SUPT3H: variants seen among roughly 807,000 people sequenced by gnomAD.
SUPT3H encodes the protein SPT3 homolog, SAGA and STAGA complex component.
In SUPT3H, 44 loss-of-function variants were observed where a neutral mutation model predicts 44.3. The observed-to-expected ratio is 0.99, with a 90% CI of 0.78 to 1.28. The LOEUF (loss-of-function observed/expected upper bound fraction) is 1.28, where lower values mean the gene tolerates loss of function less well. Among genes scored for constraint, SUPT3H ranks in the 50% most tolerant of loss-of-function variants. The probability of loss-of-function intolerance (pLI) is 0.00; values close to 1 mark genes in which losing one functional copy is unlikely to be tolerated. For synonymous variants in SUPT3H, 124 were observed against 125.6 expected, an observed-to-expected ratio of 0.99 and a Z score of 0.09; for missense variants, 380 against 387.1, an observed-to-expected ratio of 0.98 and a Z score of 0.15.
chr6:45,190,740 G>C (rs1335977254), intron 2 of SUPT3H, among the ~76,000 whole-genome samples: 1 of 152,034 alleles, frequency 6.6e-6, no homozygotes, highest in Non-Finnish European at 1.5e-5. Context: ...AAATTCAAAA[G>C]TAAGAAAATA....
At position 45,297,765 on chromosome 6, in the gene SUPT3H, G is replaced by T. The variant is rs188246595; in HGVS notation, c.101+67436C>A. ...TGGTATATAAAATTTTAATACTTTAGGCTCCCTATGCAGCCTATCACCCAG... is the reference window on the plus strand; with the variant it reads ...TGGTATATAAAATTTTAATACTTTATGCTCCCTATGCAGCCTATCACCCAG... On this transcript the variant is annotated intron_variant, in intron 2 of 10. Transcript: ENST00000371459. 2.2e-3 allele frequency among the ~76,000 whole-genome samples: 340 copies of T among 152,112 alleles called. 1 individual carries two copies. Among genetic ancestry groups the T allele is most frequent in the Non-Finnish European group, 2.5e-3 (173 of 67,984 alleles).
At chr6:45,196,428 A>C (rs1328098319) in intron 2 of SUPT3H, among the ~76,000 whole-genome samples, 2 of 152,058 alleles carry the variant, frequency 1.3e-5, no homozygotes, top group Non-Finnish European at 2.9e-5. Context: ...CAGCCCTGCC[A>C]TATTTCTTCA....
intron 3 of SUPT3H, among the ~76,000 whole-genome samples, chr6:45,025,609 C>T (rs1385618810): frequency 3.9e-5 from 6 of 152,142 alleles, no homozygotes; most frequent in African/African-American, 7.2e-5. Context: ...ATTGGCCGGG[C>T]GCGGTGGCTC....
intron 3 of SUPT3H, among the ~76,000 whole-genome samples, chr6:45,029,158 T>C (rs191158995): frequency 5.3e-5 from 8 of 151,868 alleles, no homozygotes; most frequent in African/African-American, 1.7e-4. Flanking sequence ...TAAATGAGTA[T>C]ATAAATTGAT....
At chr6:45,205,992 GAGTTTGAA>G (rs1160380508) in intron 2 of SUPT3H, among the ~76,000 whole-genome samples, 2 of 152,100 alleles carry the variant, frequency 1.3e-5, no homozygotes, top group African/African-American at 4.8e-5. Flanking sequence ...CACAGTGCTG[GAGTTTGAA>G]AATAGGTCAC....
intron 2 of SUPT3H, among the ~76,000 whole-genome samples, chr6:45,241,126 C>A (rs933685156): frequency 2.0e-5 from 3 of 152,078 alleles, no homozygotes; most frequent in Non-Finnish European, 2.9e-5. Flanking sequence ...CCGACTCCTG[C>A]GAGAAGTAGC....
chr6:45,155,981 A>G (rs1807751955), intron 2 of SUPT3H, among the ~76,000 whole-genome samples: 1 of 152,186 alleles, frequency 6.6e-6, no homozygotes. Flanking sequence ...TTCAAGGACA[A>G]TAAAGCCAAA....
At chr6:45,303,095 T>G (rs1424840769) in intron 2 of SUPT3H, among the ~76,000 whole-genome samples, 1 of 152,156 alleles carries the variant, frequency 6.6e-6, no homozygotes, top group Non-Finnish European at 1.5e-5. Flanking sequence ...GATCCTTATC[T>G]CTCACCTTAT....
intron 10 of SUPT3H, among the ~76,000 whole-genome samples, chr6:44,848,365 G>A (rs556751192): frequency 6.6e-6 from 1 of 152,202 alleles, no homozygotes; most frequent in East Asian, 1.9e-4. Context: ...AGAGCCACTT[G>A]GGGAACTTTT....
At chr6:45,074,574 T>C (rs1403414376) in intron 3 of SUPT3H, among the ~76,000 whole-genome samples, 3 of 151,958 alleles carry the variant, frequency 2.0e-5, no homozygotes, top group East Asian at 3.8e-4. Context: ...CAAGGAAAGC[T>C]AGACACAAAA....
chr6:45,311,950 T>C (rs1784023026), intron 2 of SUPT3H, among the ~76,000 whole-genome samples: 1 of 151,944 alleles, frequency 6.6e-6, no homozygotes, highest in South Asian at 2.1e-4. Context: ...ACAAAGAACA[T>C]GATGAATGCA....
intron 2 of SUPT3H, among the ~76,000 whole-genome samples, chr6:45,285,345 C>A (rs2149826148): frequency 6.6e-6 from 1 of 152,230 alleles, no homozygotes; most frequent in East Asian, 1.9e-4. Flanking sequence ...TAGAAAACCC[C>A]ACCGTCTCAG....
intron 2 of SUPT3H, among the ~76,000 whole-genome samples, chr6:45,205,042 G>C (rs1185358412): frequency 6.6e-6 from 1 of 152,022 alleles, no homozygotes; most frequent in Non-Finnish European, 1.5e-5. Flanking sequence ...TTTAACTATA[G>C]AAATAATATC....
intron 2 of SUPT3H, among the ~76,000 whole-genome samples, chr6:45,129,853 G>A (rs1383963290): frequency 6.6e-6 from 1 of 151,968 alleles, no homozygotes; most frequent in Non-Finnish European, 1.5e-5. Context: ...AAAGGATGGA[G>A]AGGAAGACTG....
chr6:44,823,407 T>A (rs1767500119), downstream of SUPT3H, among the ~76,000 whole-genome samples: 1 of 151,806 alleles, frequency 6.6e-6, no homozygotes, highest in African/African-American at 2.4e-5. Context: ...AGAGGCAGAT[T>A]GATTTTGCAT....
intron 6 of SUPT3H, among the ~76,000 whole-genome samples, chr6:44,984,713 T>C (rs1473581581): frequency 6.6e-6 from 1 of 152,156 alleles, no homozygotes; most frequent in Non-Finnish European, 1.5e-5. Context: ...CTCTTTCCTA[T>C]ATGTAACTAA....
chr6:44,897,159 G>T (rs986361013), intron 10 of SUPT3H, among the ~76,000 whole-genome samples: 2 of 152,166 alleles, frequency 1.3e-5, no homozygotes, highest in Admixed American at 6.6e-5. Context: ...GTTAGTGTGG[G>T]CTTTGGGCTA....
chr6:45,303,732 TGCCTGTAATCCCA>T (rs1782545045), intron 2 of SUPT3H, among the ~76,000 whole-genome samples: 1 of 149,560 alleles, frequency 6.7e-6, no homozygotes, highest in Non-Finnish European at 1.5e-5. Flanking sequence ...CAGTGGCTCA[TGCCTGTAATCCCA>T]GCACTTTGGG....
intron 2 of SUPT3H, among the ~76,000 whole-genome samples, chr6:45,293,938 CTA>C (rs1393897271): frequency 6.6e-6 from 1 of 151,890 alleles, no homozygotes; most frequent in Non-Finnish European, 1.5e-5. Context: ...CTTATTGACA[CTA>C]TTCTACAAGA....
Sources: gnomAD v4.1 joint callset for allele counts (sites outside exome capture counted in the v4.1 genomes callset) on GRCh38, gnomAD v4.1.1 for gene constraint, MANE v1.5 for transcripts, NCBI Gene and HGNC (gene_info 2026-07-23, HGNC 2026-07-21) for gene names.